CROT: variants seen among roughly 807,000 people sequenced by gnomAD.
CROT encodes the protein carnitine O-octanoyltransferase, also known as peroxisomal carnitine O-octanoyltransferase.
CROT carries 84 observed loss-of-function variants against 89.2 expected under a neutral mutation model. The observed-to-expected ratio is 0.94, with a 90% CI of 0.79 to 1.13. The LOEUF (loss-of-function observed/expected upper bound fraction) is 1.13. Ranked by LOEUF, CROT falls within the 50% of genes most tolerant of loss-of-function variation. The pLI, the probability that CROT is intolerant of heterozygous loss-of-function variation, is 0.00. For missense variants in CROT, 711 were observed against 727.8 expected (o/e 0.98, Z 0.27); for synonymous variants, 212 against 239.5 (o/e 0.89, Z 1.06).
intron 6 of CROT, among the ~76,000 whole-genome samples, chr7:87,365,703 G>A (rs1806421100): frequency 6.6e-6 from 1 of 151,108 alleles, no homozygotes; most frequent in East Asian, 1.9e-4. Context: ...GACCTCCTGG[G>A]CTCTAACAGT....
chr7:87,384,079 C>A (rs1356982199), intron 13 of CROT, among the ~76,000 whole-genome samples: 1 of 152,064 alleles, frequency 6.6e-6, no homozygotes, highest in African/African-American at 2.4e-5. Context: ...TCTTTGCTAG[C>A]ATCTGTTATT....
At chr7:87,357,012 ACT>A in intron 3 of CROT, among the ~76,000 whole-genome samples, 1 of 152,180 alleles carries the variant, frequency 6.6e-6, no homozygotes, top group East Asian at 1.9e-4. Context: ...ATAGAGCGAG[ACT>A]CTGTCTCAAA....
intron 6 of CROT, among the ~76,000 whole-genome samples, chr7:87,364,097 T>C (rs564718461): frequency 6.6e-6 from 1 of 152,318 alleles, no homozygotes; most frequent in East Asian, 1.9e-4. Flanking sequence ...GAATTTAAGA[T>C]GCCTTTTAGA....
chr7:87,372,828 T>A (rs894273074), intron 7 of CROT, among the ~76,000 whole-genome samples: 1 of 152,166 alleles, frequency 6.6e-6, no homozygotes, highest in African/African-American at 2.4e-5. Flanking sequence ...TTTACAGATA[T>A]GCCACATTTT....
Position 87,391,769 on chromosome 7 carries a change from C to T in CROT, c.1425+57C>T, listed in dbSNP as rs541989934. The T allele has an allele frequency of 2.1e-5, 32 of 1,551,634 alleles. No homozygotes were observed. The East Asian group carries it at 3.1e-4, about 15-fold the overall frequency. On this transcript the variant is annotated intron_variant, in intron 14 of 17. Transcript: ENST00000331536. ...ATTTGTTTAATTGTTCTAAAGGAAC[C>T]GTGGTCTTTGAGTAACTAACTTCTT...
At position 87,396,690 on chromosome 7, in the gene CROT, T is replaced by TAAA. The variant is rs11417845; in HGVS notation, c.1719-1824_1719-1822dup. ...TTTTAAATGTATTACATGCTGATTG[T>TAAA]AAAAAAAAAAAAGTTGTTAAATATA... On this transcript the variant is annotated intron_variant, in intron 17 of 17. Coordinates refer to ENST00000331536, the MANE Select transcript of CROT (RefSeq NM_021151.4). 2.2e-3 allele frequency among the ~76,000 whole-genome samples: 323 copies of TAAA among 148,970 alleles called. 14 individuals are homozygous for TAAA. The South Asian group carries it at 0.066, about 30-fold the overall frequency.
At chr7:87,375,750 G>C in intron 8 of CROT, 25 bp downstream of exon 8, 1 of 1,612,160 alleles carries the variant, frequency 6.2e-7, no homozygotes, top group Non-Finnish European at 8.5e-7. Flanking sequence ...TTTTCTTAAC[G>C]AAGCTTTTCT....
chr7:87,350,843 C>T (rs1805843194), intron 3 of CROT, among the ~76,000 whole-genome samples: 1 of 152,176 alleles, frequency 6.6e-6, no homozygotes, highest in Non-Finnish European at 1.5e-5. Flanking sequence ...GAGTACTTTA[C>T]CTGTCACCTG....
chr7:87,361,938 A>G (rs1351168922), intron 6 of CROT, 86 bp downstream of exon 6: 5 of 1,196,454 alleles, frequency 4.2e-6, no homozygotes, highest in Non-Finnish European at 5.7e-6. Flanking sequence ...ACACTTTTGA[A>G]GAATATTACT....
chr7:87,390,324 G>A (rs189669264), intron 13 of CROT, among the ~76,000 whole-genome samples: 25 of 152,172 alleles, frequency 1.6e-4, no homozygotes, highest in African/African-American at 4.1e-4. Flanking sequence ...TTTACCTAAC[G>A]TTTCAGTAGT....
At chr7:87,356,982 A>G (rs890053719) in intron 3 of CROT, among the ~76,000 whole-genome samples, 1 of 152,186 alleles carries the variant, frequency 6.6e-6, no homozygotes, top group Non-Finnish European at 1.5e-5. Flanking sequence ...AGATTGCACC[A>G]TTGCACTCCA....
chr7:87,359,412 G>T, intron 4 of CROT, 82 bp downstream of exon 4: 1 of 1,489,380 alleles, frequency 6.7e-7, no homozygotes, highest in Non-Finnish European at 8.9e-7. Flanking sequence ...TTAAATTATT[G>T]CTGTAAAAAT....
intron 13 of CROT, among the ~76,000 whole-genome samples, chr7:87,387,164 T>C (rs954197222): frequency 2.6e-5 from 4 of 151,960 alleles, no homozygotes; most frequent in Admixed American, 1.3e-4. Context: ...CTGAGGATAA[T>C]TGGTACTAGA....
intron 4 of CROT, among the ~76,000 whole-genome samples, chr7:87,360,729 AT>A (rs1445124814): frequency 6.6e-6 from 1 of 152,092 alleles, no homozygotes; most frequent in Non-Finnish European, 1.5e-5. Context: ...TTAGGTAAGG[AT>A]TTATTGATTA....
intron 17 of CROT, among the ~76,000 whole-genome samples, chr7:87,397,818 G>A (rs895508778): frequency 6.6e-6 from 1 of 152,150 alleles, no homozygotes; most frequent in Non-Finnish European, 1.5e-5. Flanking sequence ...TTTAAGTGAT[G>A]TGAAAATTGC....
intron 3 of CROT, among the ~76,000 whole-genome samples, chr7:87,351,090 C>T (rs1055493412): frequency 7.9e-5 from 12 of 151,950 alleles, no homozygotes; most frequent in Non-Finnish European, 1.5e-4. Context: ...AGGTTGATCA[C>T]GGGATCAGGA....
At chr7:87,350,779 C>T (rs1468101313) in intron 3 of CROT, among the ~76,000 whole-genome samples, 2 of 152,112 alleles carry the variant, frequency 1.3e-5, no homozygotes, top group Non-Finnish European at 2.9e-5. Flanking sequence ...GCAACCACCC[C>T]ATGTTGTAGG....
intron 3 of CROT, 129 bp from the exon 4 acceptor site, chr7:87,359,077 C>T (rs1398662758): frequency 1.5e-6 from 1 of 664,452 alleles, no homozygotes. Context: ...TTTTATTGTT[C>T]TGCTCTGCTA....
intron 3 of CROT, 58 bp from the exon 4 acceptor site, chr7:87,359,148 T>C (rs1344609323): frequency 1.5e-5 from 17 of 1,118,052 alleles, no homozygotes; most frequent in Non-Finnish European, 2.3e-5. Flanking sequence ...TTAGTAATAA[T>C]AGAGGTGAGT....
Sources: allele counts gnomAD v4.1 joint callset (sites outside exome capture counted in the v4.1 genomes callset), GRCh38; gene constraint gnomAD v4.1.1; transcripts MANE v1.5; gene names NCBI Gene and HGNC (gene_info 2026-07-23, HGNC 2026-07-21).